Variants in MAP3K15 observed in about 807,000 individuals in gnomAD.
MAP3K15 encodes mitogen-activated protein kinase kinase kinase 15, also known as MAPK/ERK kinase kinase 15.
In MAP3K15, 124 loss-of-function variants were observed where a neutral mutation model predicts 99.5. The ratio of observed to expected loss-of-function variants is 1.25; its 90% CI spans 1.08 to 1.45. MAP3K15 has a LOEUF of 1.45. MAP3K15 is among the 40% of genes most tolerant of loss of function. MAP3K15 has a pLI of 0.00. For missense variants in MAP3K15, 1,242 were observed against 1,079.7 expected (o/e 1.15, Z -2.11); for synonymous variants, 494 against 439.6 (o/e 1.12, Z -1.55).
chrX:19,373,289 G>C, intron 21 of MAP3K15: 1 of 356,819 alleles, frequency 2.8e-6, no homozygotes, highest in South Asian at 5.2e-5. Flanking sequence ...AGGGGAGAGA[G>C]AAGGGAAGAG....
At chrX:19,434,399 ATT>A (rs765670026) in intron 6 of MAP3K15, among the ~76,000 whole-genome samples, 1,905 of 94,256 alleles carry the variant, frequency 0.02, 40 homozygotes, top group African/African-American at 0.067. Context: ...TAATTTTTTA[ATT>A]TTTTTTTTTT....
chrX:19,380,806 C>A (rs775156218), intron 18 of MAP3K15, among the ~76,000 whole-genome samples: 1 of 113,020 alleles, frequency 8.8e-6, no homozygotes, highest in Non-Finnish European at 1.9e-5. Flanking sequence ...TAGGCGTGAG[C>A]CACTGCTCCT....
chrX:19,420,203 G>C (rs768366510), intron 9 of MAP3K15, among the ~76,000 whole-genome samples: 1,137 of 111,350 alleles, frequency 0.01, 7 homozygotes, highest in Middle Eastern at 0.032. Flanking sequence ...CAGAACTGAA[G>C]GAAATAGAGA....
At chrX:19,508,119 C>T (rs942298600) in intron 1 of MAP3K15, among the ~76,000 whole-genome samples, 2 of 111,131 alleles carry the variant, frequency 1.8e-5, no homozygotes, top group Non-Finnish European at 3.8e-5. Context: ...CCACCCGCCT[C>T]GGCCTCCCAA....
At chrX:19,408,777 C>G (rs1247786522) in intron 12 of MAP3K15, among the ~76,000 whole-genome samples, 1 of 112,333 alleles carries the variant, frequency 8.9e-6, no homozygotes, top group Admixed American at 9.4e-5. Flanking sequence ...GGTACACACA[C>G]TGGGTGGAGA....
chrX:19,460,966 G>A lies in MAP3K15; in HGVS notation c.720-813C>T, dbSNP rs775262476. Among the ~76,000 whole-genome samples, 247 of 106,203 alleles carry A rather than the reference G, an allele frequency of 2.3e-3. 1 individual carries two copies. Among genetic ancestry groups the A allele is most frequent in the African/African-American group, 8.1e-3 (234 of 28,921 alleles). The allele number at this position is 106,203 out of a possible 115,157, so 92.2% of individuals were successfully genotyped here. On this transcript the variant is annotated intron_variant, in intron 4 of 28. Coordinates refer to ENST00000338883, the MANE Select transcript of MAP3K15 (RefSeq NM_001001671.4). ...ATTTTTGTATTGCTATTAGAGACAG[G>A]GTTTCTTTCCTTTTTTTTTTTTCTT...
At chrX:19,492,925 C>G (rs1187984721) in intron 1 of MAP3K15, among the ~76,000 whole-genome samples, 2 of 111,248 alleles carry the variant, frequency 1.8e-5, no homozygotes, top group Non-Finnish European at 3.8e-5. Flanking sequence ...CAAGGTTGCA[C>G]CACTGTACCC....
At position 19,400,633 on chromosome X, in the gene MAP3K15, GGTTATC is replaced by G; in HGVS notation, c.1869_1874del (p.Met623_Thr625delinsIle). On this transcript the variant is annotated inframe_deletion, in exon 14 of 29. Transcript: ENST00000338883. Reference sequence around the variant, plus strand: ...GCTCCACCGTACTGCCTGCTGTATTGGTTATCATCTCTTTGACCAAAGAGAAAAATC... The same window carrying G: ...GCTCCACCGTACTGCCTGCTGTATTGATCTCTTTGACCAAAGAGAAAAATC... 1 of 1,206,875 alleles carries G rather than the reference GGTTATC, an allele frequency of 8.3e-7. No homozygotes were observed.
intron 25 of MAP3K15, among the ~76,000 whole-genome samples, chrX:19,364,709 T>G (rs970132729): frequency 9.1e-6 from 1 of 109,680 alleles, no homozygotes; most frequent in African/African-American, 3.3e-5. Flanking sequence ...GAGACCAGCC[T>G]AACATGGAGA....
At chrX:19,464,103 A>G in intron 4 of MAP3K15, 110 bp downstream of exon 4, 1 of 639,116 alleles carries the variant, frequency 1.6e-6, no homozygotes, top group Non-Finnish European at 2.3e-6. Flanking sequence ...GTAAGGGACA[A>G]TAGTGGGTTC....
At chrX:19,442,083 C>A (rs1289148493) in intron 6 of MAP3K15, among the ~76,000 whole-genome samples, 1 of 111,991 alleles carries the variant, frequency 8.9e-6, no homozygotes, top group South Asian at 3.8e-4. Context: ...GTCAACACCA[C>A]CGAGGCGGCA....
At chrX:19,500,623 G>T (rs1041019083) in intron 1 of MAP3K15, among the ~76,000 whole-genome samples, 1 of 111,642 alleles carries the variant, frequency 9.0e-6, no homozygotes, top group African/African-American at 3.3e-5. Flanking sequence ...AGGCATTTCT[G>T]CCAGTCCCAT....
chrX:19,513,161 G>A (rs1481595481), intron 1 of MAP3K15, among the ~76,000 whole-genome samples: 1 of 111,657 alleles, frequency 9.0e-6, no homozygotes, highest in Non-Finnish European at 1.9e-5. Flanking sequence ...CCAAGGTGAC[G>A]TGTCTGTTGT....
chrX:19,443,116 TC>T (rs1158787568), intron 6 of MAP3K15, among the ~76,000 whole-genome samples: 1 of 92,923 alleles, frequency 1.1e-5, no homozygotes, highest in African/African-American at 4.0e-5. Context: ...CACTGCAACT[TC>T]CGCCTCCCGG....
intron 9 of MAP3K15, among the ~76,000 whole-genome samples, chrX:19,424,265 T>C (rs868491314): frequency 1.9e-5 from 2 of 105,266 alleles, no homozygotes; most frequent in Non-Finnish European, 3.8e-5. Context: ...CACATATATA[T>C]ACACACATAT....
At chrX:19,446,016 G>C (rs1363793604) in intron 6 of MAP3K15, among the ~76,000 whole-genome samples, 5 of 111,056 alleles carry the variant, frequency 4.5e-5, no homozygotes. Flanking sequence ...AACAAAACTA[G>C]ACAGAGACTA....
rs765835761 is a variant in MAP3K15, at chrX:19,500,204, G to A, written c.362-11237C>T. 1.5e-4 allele frequency among the ~76,000 whole-genome samples: 17 copies of A among 111,693 alleles called. No individual in the cohort carries two copies. In the South Asian group the frequency reaches 4.9e-3, roughly 32 times the overall value. On this transcript the variant is annotated intron_variant, in intron 1 of 28. Coordinates refer to ENST00000338883, the MANE Select transcript of MAP3K15 (RefSeq NM_001001671.4). ...GGAGGTTTCAGTGAGCCGAGATCGC[G>A]CCACTGCACTCCAGCCTGGGTGACA...
chrX:19,501,154 T>C lies in MAP3K15; in HGVS notation c.362-12187A>G, dbSNP rs150586320. Among the ~76,000 whole-genome samples the C allele has an allele frequency of 6.6e-3, 732 of 110,505 alleles. 7 individuals are homozygous for C. The highest frequency in any genetic ancestry group is 0.028 in the South Asian group (72 of 2,551). On this transcript the variant is annotated intron_variant, in intron 1 of 28. Coordinates refer to ENST00000338883, the MANE Select transcript of MAP3K15 (RefSeq NM_001001671.4). ...AGCCATGGACTTCTGCAGCCGGGGGTCCCTGGGAGCACTCATGGTTGTCTA... is the reference window on the plus strand; with the variant it reads ...AGCCATGGACTTCTGCAGCCGGGGGCCCCTGGGAGCACTCATGGTTGTCTA...
At chrX:19,406,662 G>T (rs1222658775) in intron 13 of MAP3K15, among the ~76,000 whole-genome samples, 1 of 112,514 alleles carries the variant, frequency 8.9e-6, no homozygotes, top group African/African-American at 3.2e-5. Flanking sequence ...TTATGGTGTT[G>T]GTTGGAAAAC....
Sources: gnomAD v4.1 joint callset for allele counts (sites outside exome capture counted in the v4.1 genomes callset) on GRCh38, gnomAD v4.1.1 for gene constraint, MANE v1.5 for transcripts, NCBI Gene and HGNC (gene_info 2026-07-23, HGNC 2026-07-21) for gene names.